The following SLC8A1 variants were observed in gnomAD, a reference collection of about 807,000 sequenced individuals.
SLC8A1 encodes sodium/calcium exchanger 1.
In SLC8A1, 18 loss-of-function variants were observed where a neutral mutation model predicts 68.3. That is an observed-to-expected ratio of 0.26 (90% CI 0.18 to 0.39). The LOEUF (loss-of-function observed/expected upper bound fraction) is 0.39, where lower values mean the gene tolerates loss of function less well. SLC8A1 is among the 10% of genes least tolerant of loss of function. SLC8A1 has a pLI of 1.00. For synonymous variants in SLC8A1, 475 were observed against 415.5 expected (o/e 1.14, Z -1.74); for missense variants, 985 against 1,156.7 (o/e 0.85, Z 2.15).
intron 1 of SLC8A1, among the ~76,000 whole-genome samples, chr2:40,467,995 T>C (rs950490563): frequency 2.0e-5 from 3 of 152,292 alleles, no homozygotes; most frequent in African/African-American, 7.2e-5. Flanking sequence ...TGGTTGTCTA[T>C]AACATGAGAA....
At chr2:40,168,213 C>T (rs1338148859) in intron 4 of SLC8A1, among the ~76,000 whole-genome samples, 1 of 152,132 alleles carries the variant, frequency 6.6e-6, no homozygotes, top group East Asian at 1.9e-4. Context: ...GGGAACAACT[C>T]AGTTGGCCTA....
At chr2:40,368,764 C>T (rs981959954) in intron 2 of SLC8A1, among the ~76,000 whole-genome samples, 2 of 151,846 alleles carry the variant, frequency 1.3e-5, no homozygotes, top group African/African-American at 2.4e-5. Context: ...GTGTTGTTCC[C>T]CTCTATGTGC....
At chr2:40,431,621 C>T (rs1380426893) in intron 1 of SLC8A1, among the ~76,000 whole-genome samples, 1 of 152,080 alleles carries the variant, frequency 6.6e-6, no homozygotes, top group African/African-American at 2.4e-5. Context: ...TGACTGTCTC[C>T]CAGGCCTTGC....
At chr2:40,331,581 A>G (rs1021657750) in intron 2 of SLC8A1, among the ~76,000 whole-genome samples, 21 of 151,776 alleles carry the variant, frequency 1.4e-4, no homozygotes, top group Non-Finnish European at 2.5e-4. Flanking sequence ...CTTTTTATTT[A>G]TTTATTTTAT....
At chr2:40,504,770 C>T (rs1275185164) in intron 1 of SLC8A1, among the ~76,000 whole-genome samples, 1 of 151,694 alleles carries the variant, frequency 6.6e-6, no homozygotes, top group East Asian at 1.9e-4. Context: ...ATATCTCACC[C>T]CAGGTAAAAT....
chr2:40,330,280 T>TG (rs2076280313), intron 2 of SLC8A1, among the ~76,000 whole-genome samples: 1 of 141,140 alleles, frequency 7.1e-6, no homozygotes, highest in South Asian at 2.5e-4. Context: ...GGAAACACAT[T>TG]AAAATGATGA....
intron 1 of SLC8A1, among the ~76,000 whole-genome samples, chr2:40,462,697 A>G (rs1703419048): frequency 6.6e-6 from 1 of 152,072 alleles, no homozygotes; most frequent in South Asian, 2.1e-4. Context: ...ATTTCTAGCT[A>G]CTTGAGAGGC....
intron 2 of SLC8A1, among the ~76,000 whole-genome samples, chr2:40,272,869 C>T (rs2066219888): frequency 6.6e-6 from 1 of 152,198 alleles, no homozygotes; most frequent in East Asian, 1.9e-4. Context: ...TGACACATGG[C>T]CTGTGTACAT....
At chr2:40,260,602 G>A (rs769963330) in intron 2 of SLC8A1, among the ~76,000 whole-genome samples, 39 of 152,138 alleles carry the variant, frequency 2.6e-4, no homozygotes, top group Non-Finnish European at 4.1e-4. Context: ...GTCACTGGAG[G>A]AGAGGTAATA....
At chr2:40,326,413 A>G (rs1403219979) in intron 2 of SLC8A1, among the ~76,000 whole-genome samples, 1 of 151,752 alleles carries the variant, frequency 6.6e-6, no homozygotes, top group African/African-American at 2.4e-5. Context: ...CAGTGCTTCT[A>G]TTTGAAAGGC....
At chr2:40,191,570 C>T (rs1383770633) in intron 2 of SLC8A1, among the ~76,000 whole-genome samples, 2 of 152,054 alleles carry the variant, frequency 1.3e-5, no homozygotes, top group African/African-American at 4.8e-5. Flanking sequence ...GGAAGTTTCC[C>T]CAGCTAGACT....
chr2:40,291,314 C>T (rs1439726224), intron 2 of SLC8A1, among the ~76,000 whole-genome samples: 1 of 152,138 alleles, frequency 6.6e-6, no homozygotes, highest in Non-Finnish European at 1.5e-5. Flanking sequence ...ATGGAAGTCA[C>T]TGGTATGATG....
At chr2:40,233,334 C>A (rs1261179311) in intron 2 of SLC8A1, among the ~76,000 whole-genome samples, 1 of 152,114 alleles carries the variant, frequency 6.6e-6, no homozygotes, top group East Asian at 1.9e-4. Context: ...ATTTGCATTT[C>A]TCTGATGGCC....
intron 2 of SLC8A1, among the ~76,000 whole-genome samples, chr2:40,361,474 T>TG (rs1009039608): frequency 8.5e-5 from 13 of 152,088 alleles, no homozygotes; most frequent in Non-Finnish European, 1.5e-4. Flanking sequence ...CTTTTTTTTT[T>TG]TTTGTTTTGG....
intron 2 of SLC8A1, among the ~76,000 whole-genome samples, chr2:40,401,806 G>A (rs1487397435): frequency 2.6e-5 from 4 of 152,024 alleles, no homozygotes; most frequent in Admixed American, 2.6e-4. Flanking sequence ...TGGTTATGAG[G>A]TTAATTCATT....
At chr2:40,178,268 CCT>C in intron 2 of SLC8A1, 117 bp downstream of exon 3, 1 of 785,566 alleles carries the variant, frequency 1.3e-6, no homozygotes. Context: ...AGATCTGTGC[CCT>C]GTTACATAGG....
At chr2:40,347,067 A>G (rs7561383) in intron 2 of SLC8A1, among the ~76,000 whole-genome samples, 102,749 of 152,212 alleles carry the variant, frequency 0.68, 35,790 homozygotes, top group East Asian at 0.88. Flanking sequence ...GGCAATAGAT[A>G]GCACTTTGTA....
intron 2 of SLC8A1, among the ~76,000 whole-genome samples, chr2:40,352,529 G>A (rs1311365971): frequency 6.6e-6 from 1 of 152,138 alleles, no homozygotes; most frequent in Non-Finnish European, 1.5e-5. Flanking sequence ...AAAACTGAGT[G>A]TGAAATTTAA....
chr2:40,229,169 T>C (rs1367899053), intron 2 of SLC8A1, among the ~76,000 whole-genome samples: 1 of 152,160 alleles, frequency 6.6e-6, no homozygotes, highest in African/African-American at 2.4e-5. Context: ...GCTGATCACA[T>C]GTAAACTGAA....
Sources: gnomAD v4.1 joint callset for allele counts (sites outside exome capture counted in the v4.1 genomes callset) on GRCh38, gnomAD v4.1.1 for gene constraint, MANE v1.5 for transcripts, NCBI Gene and HGNC (gene_info 2026-07-23, HGNC 2026-07-21) for gene names.